TENM3: variants seen among roughly 807,000 people sequenced by gnomAD.
TENM3 encodes teneurin-3.
TENM3 carries 63 observed loss-of-function variants against 255.1 expected under a neutral mutation model. The observed-to-expected ratio is 0.25, with a 90% CI of 0.20 to 0.30. The LOEUF (loss-of-function observed/expected upper bound fraction) is 0.30. Among genes scored for constraint, TENM3 ranks in the 10% least tolerant of loss-of-function variants. The pLI is 1.00. For missense variants in TENM3, 2,929 were observed against 3,461.1 expected (o/e 0.85, Z 3.86); for synonymous variants, 1,306 against 1,322.3 (o/e 0.99, Z 0.27).
At chr4:182,477,131 T>C (rs1478547562) in intron 3 of TENM3, among the ~76,000 whole-genome samples, 1 of 152,228 alleles carries the variant, frequency 6.6e-6, no homozygotes, top group Non-Finnish European at 1.5e-5. Context: ...TGTATATTGG[T>C]ACAGTGTGCT....
the TENM3 span, among the ~76,000 whole-genome samples, chr4:181,935,818 A>T: frequency 5.3e-5 from 8 of 152,214 alleles, no homozygotes; most frequent in South Asian, 1.7e-3. Flanking sequence ...CTCTACCGAC[A>T]TCGGGCCTTA....
chr4:182,621,766 T>TA (rs1750263978), intron 4 of TENM3, among the ~76,000 whole-genome samples: 2 of 81,012 alleles, frequency 2.5e-5, no homozygotes, highest in African/African-American at 9.8e-5. Context: ...TATATAATAA[T>TA]TATATATTAT....
the TENM3 span, among the ~76,000 whole-genome samples, chr4:181,910,215 T>C: frequency 6.6e-6 from 1 of 152,190 alleles, no homozygotes; most frequent in Non-Finnish European, 1.5e-5. Flanking sequence ...TCTTTTCTTA[T>C]TTATACCTTA....
In TENM3 at chr4:182,693,376, G is replaced by A. The variant is rs576289322; in HGVS notation, c.2221+5025G>A. ...TTTCGAGATAGAATCTCACTCTGTCGCCCAGGCTGGAGTGCAATGGCTCAA... is the reference window on the plus strand; with the variant it reads ...TTTCGAGATAGAATCTCACTCTGTCACCCAGGCTGGAGTGCAATGGCTCAA... On this transcript the variant is annotated intron_variant, in intron 12 of 27. Transcript: ENST00000511685. 4.9e-4 allele frequency among the ~76,000 whole-genome samples: 73 copies of A among 148,798 alleles called. 1 individual carries two copies. The highest frequency in any genetic ancestry group is 3.2e-3 in the South Asian group (15 of 4,694).
chr4:182,645,551 G>A (rs1437082955), intron 5 of TENM3, among the ~76,000 whole-genome samples: 2 of 152,146 alleles, frequency 1.3e-5, no homozygotes, highest in Non-Finnish European at 2.9e-5. Flanking sequence ...GCCCAACTTA[G>A]CTGGGTGCCT....
chr4:181,522,725 A>T, the TENM3 span: 1 of 693,400 alleles, frequency 1.4e-6, no homozygotes, highest in African/African-American at 1.7e-5. Context: ...TTAAAGGTGA[A>T]TCCTTGTTTC....
chr4:182,524,481 C>T (rs1738936050), intron 3 of TENM3, among the ~76,000 whole-genome samples: 1 of 149,142 alleles, frequency 6.7e-6, no homozygotes, highest in Non-Finnish European at 1.5e-5. Flanking sequence ...TCTCAAGCCT[C>T]TCAAGCAGCT....
intron 3 of TENM3, among the ~76,000 whole-genome samples, chr4:182,362,822 G>T (rs890557026): frequency 6.6e-6 from 1 of 152,200 alleles, no homozygotes; most frequent in African/African-American, 2.4e-5. Context: ...CATCGCTTAC[G>T]CTGGGAGCTG....
At position 182,729,071 on chromosome 4, in the gene TENM3, C is replaced by G. The variant is rs200239536; in HGVS notation, c.2475C>G (p.Ser825Arg). 1 of 1,613,988 alleles carries G rather than the reference C, an allele frequency of 6.2e-7. No individual in the cohort carries two copies. The highest frequency in any genetic ancestry group is 2.2e-5 in the East Asian group (1 of 44,882). Residue 825 changes from serine (S) to arginine (R), a missense_variant, in exon 14 of 28, where the codon AGC (serine) becomes AGG (arginine). By Grantham distance (110) the Ser-to-Arg change is moderately radical (BLOSUM62 -1). This residue lies in a region of TENM3 where 1,608 missense variants were observed against 1,884.4 expected (regional missense o/e 0.85). Transcript: ENST00000511685. The stretch of plus-strand genomic sequence containing the variant: ...ATCCTCAGGACATCATTAGCCAAAG[C>G]CTTCAATCGCCTTCTCAGCAAGCTG... ...LPDPQDIISQ[S>R]LQSPSQQAAK...
chr4:182,423,607 C>CT (rs1470198094), intron 3 of TENM3, among the ~76,000 whole-genome samples: 4 of 152,046 alleles, frequency 2.6e-5, no homozygotes, highest in Non-Finnish European at 5.9e-5. Flanking sequence ...GTAAAATACT[C>CT]TTTTTTAAAA....
At chr4:181,550,451 A>T in the TENM3 span, among the ~76,000 whole-genome samples, 615 of 152,334 alleles carry the variant, frequency 4.0e-3, 9 homozygotes, top group South Asian at 0.052. Flanking sequence ...AAATAAGCAC[A>T]TGCTCTGCAA....
chr4:182,306,144 G>C (rs188559141), intron 1 of TENM3, among the ~76,000 whole-genome samples: 8 of 152,190 alleles, frequency 5.3e-5, no homozygotes, highest in South Asian at 2.1e-4. Flanking sequence ...CCTCTGTCCC[G>C]TGATATGATA....
Position 182,754,611 on chromosome 4 carries a change from T to C in TENM3, c.4244T>C (p.Val1415Ala). 6.2e-7 allele frequency: 1 copy of C among 1,613,852 alleles called. No individual in the cohort carries two copies. Among genetic ancestry groups the C allele is most frequent in the Non-Finnish European group, 8.5e-7 (1 of 1,179,868 alleles). Residue 1415 changes from valine to alanine, a missense_variant, in exon 22 of 28, where the codon GTC becomes GCC. By Grantham distance (64) the Val-to-Ala change is moderately conservative (BLOSUM62 0). Around this residue, in one of 6 missense-constraint regions of TENM3, gnomAD observed 1,608 missense variants for 1,884.4 expected, o/e 0.85. Coordinates refer to ENST00000511685, the MANE Select transcript of TENM3 (RefSeq NM_001080477.4). The surrounding 1 kb of genome is among the most constrained non-coding windows in gnomAD (Gnocchi z 5.1). ...GCCATTGCTGTGTCCTACAGTGGGG[T>C]CCTGTACATTACTGAAACTGATGAG... is the stretch of plus-strand genomic sequence containing the variant. ...ATAIAVSYSG[V>A]LYITETDEKK...
chr4:182,470,823 T>C (rs2151449740), intron 3 of TENM3, among the ~76,000 whole-genome samples: 1 of 152,326 alleles, frequency 6.6e-6, no homozygotes, highest in South Asian at 2.1e-4. Flanking sequence ...AAACTCTCCA[T>C]GATTCCCAGG....
At chr4:182,375,329 T>TAG (rs761948229) in intron 3 of TENM3, among the ~76,000 whole-genome samples, 25 of 151,860 alleles carry the variant, frequency 1.6e-4, no homozygotes, top group Admixed American at 9.2e-4. Flanking sequence ...ACACCCCAAA[T>TAG]AGATGCCTGG....
At chr4:181,781,123 A>G in the TENM3 span, among the ~76,000 whole-genome samples, 36 of 152,286 alleles carry the variant, frequency 2.4e-4, no homozygotes, top group African/African-American at 7.5e-4. Flanking sequence ...TTGGTTCCAT[A>G]TGAACTTTAA....
chr4:182,542,277 G>T (rs1428409785), intron 3 of TENM3, among the ~76,000 whole-genome samples: 1 of 152,094 alleles, frequency 6.6e-6, no homozygotes, highest in African/African-American at 2.4e-5. Flanking sequence ...CTGTGTCTGT[G>T]GAAATGCCTT....
chr4:182,159,505 C>T (rs2149617727), intron 1 of TENM3, among the ~76,000 whole-genome samples: 1 of 151,792 alleles, frequency 6.6e-6, no homozygotes, highest in Middle Eastern at 3.4e-3. Context: ...GTGCCACATG[C>T]TTTCCAGCCG....
At chr4:181,836,094 A>G in the TENM3 span, among the ~76,000 whole-genome samples, 1 of 151,946 alleles carries the variant, frequency 6.6e-6, no homozygotes, top group Admixed American at 6.6e-5. Context: ...CTTGAGGACA[A>G]AAGTGACTCT....
Sources: allele counts gnomAD v4.1 joint callset (sites outside exome capture counted in the v4.1 genomes callset), GRCh38; gene constraint gnomAD v4.1.1; regional missense constraint gnomAD v4.1.1; non-coding constraint Gnocchi (gnomAD v3.1); transcripts MANE v1.5; gene names NCBI Gene and HGNC (gene_info 2026-07-23, HGNC 2026-07-21).